The following TXNDC9 variants were observed in gnomAD, a reference collection of about 807,000 sequenced individuals.
TXNDC9 encodes the protein thioredoxin domain containing 9, also known as thioredoxin domain-containing protein 9.
TXNDC9 carries 7 observed loss-of-function variants against 23.0 expected under a neutral mutation model. That is an observed-to-expected ratio of 0.30 (90% CI 0.17 to 0.57). The LOEUF (loss-of-function observed/expected upper bound fraction) is 0.57, where lower values mean the gene tolerates loss of function less well. TXNDC9 is among the 20% of genes least tolerant of loss of function. The pLI, the probability that TXNDC9 is intolerant of heterozygous loss-of-function variation, is 0.90. For synonymous variants in TXNDC9, 72 were observed against 90.6 expected (o/e 0.79, Z 1.17); for missense variants, 198 against 252.6 (o/e 0.78, Z 1.47).
At chr2:99,333,838 C>T (rs1262538197) in intron 1 of TXNDC9, among the ~76,000 whole-genome samples, 1 of 152,098 alleles carries the variant, frequency 6.6e-6, no homozygotes, top group East Asian at 1.9e-4. Context: ...TCCTGTTCTC[C>T]CATTACCTAA....
chr2:99,306,979 G>A, the TXNDC9 span, among the ~76,000 whole-genome samples: 2 of 151,542 alleles, frequency 1.3e-5, no homozygotes, highest in African/African-American at 4.8e-5. Flanking sequence ...AACCAATAAT[G>A]AGTTTCTGAC....
intron 2 of TXNDC9, 170 bp downstream of exon 2, chr2:99,332,852 T>G: frequency 1.7e-6 from 1 of 581,740 alleles, no homozygotes; most frequent in East Asian, 2.9e-5. Context: ...TAATTTTGAA[T>G]GTCTTTAAAA....
rs1051011072 is a variant in TXNDC9, at chr2:99,336,300, C to G, written c.-94G>C. 3.9e-5 allele frequency: 38 copies of G among 985,388 alleles called. No homozygotes were observed. In the African/African-American group the frequency reaches 6.3e-4, roughly 16 times the overall value. The allele number at this position is 985,388 out of a possible 1,614,324, so 61.0% of individuals were successfully genotyped here. On this transcript the variant is annotated 5_prime_UTR_variant, in exon 1 of 5. Transcript: ENST00000264255. ...GCAGTTTCAAAAGACACGTCCACTC[C>G]GGCTTTTGCCTTGCAGTAGCTGCCG...
intron 2 of TXNDC9, among the ~76,000 whole-genome samples, chr2:99,331,002 G>T (rs2094224208): frequency 6.6e-6 from 1 of 152,128 alleles, no homozygotes; most frequent in Admixed American, 6.5e-5. Flanking sequence ...TAGCCAGTCT[G>T]CCTTAGTTGG....
In TXNDC9 at chr2:99,327,760, A is replaced by T. The variant is rs1015673983; in HGVS notation, c.190-107T>A. 3.4e-4 allele frequency: 181 copies of T among 538,916 alleles called. 1 individual carries two copies. Among genetic ancestry groups the T allele is most frequent in the Non-Finnish European group, 4.5e-4 (148 of 325,852 alleles). 33.4% of individuals were successfully genotyped at this position (538,916 alleles called of 1,614,324 possible). On this transcript the variant is annotated intron_variant, in intron 2 of 4. Transcript: ENST00000264255. ...ATCGTATTTTGTAATGAAGTCAATT[A>T]AAAAAAAAAGTTTTTTTTTTGTTTG... is the stretch of plus-strand genomic sequence containing the variant.
chr2:99,314,793 T>C (rs570244618), downstream of TXNDC9, among the ~76,000 whole-genome samples: 3 of 152,176 alleles, frequency 2.0e-5, no homozygotes, highest in South Asian at 2.1e-4. Context: ...TCATTGTGGT[T>C]TGGATTTACA....
intron 3 of TXNDC9, among the ~76,000 whole-genome samples, chr2:99,323,709 C>A (rs1035383901): frequency 1.3e-5 from 2 of 152,160 alleles, no homozygotes; most frequent in East Asian, 1.9e-4. Flanking sequence ...GCACTCCAGG[C>A]TAGGCGACAG....
intron 2 of TXNDC9, among the ~76,000 whole-genome samples, chr2:99,329,011 T>A (rs778486178): frequency 9.2e-5 from 14 of 152,006 alleles, no homozygotes; most frequent in Non-Finnish European, 1.5e-4. Flanking sequence ...ATAATGCTTA[T>A]GAGATAAACC....
chr2:99,316,111 CTTTTTCT>C (rs1269953308), downstream of TXNDC9, among the ~76,000 whole-genome samples: 90 of 67,420 alleles, frequency 1.3e-3, no homozygotes, highest in Middle Eastern at 0.044. Flanking sequence ...CTTTGCATTT[CTTTTTCT>C]TTTTTTTTTT....
chr2:99,335,902 G>A lies in TXNDC9; in HGVS notation c.-33+337C>T, dbSNP rs2094238430. Among the ~76,000 whole-genome samples, 3 of 152,214 alleles carry A rather than the reference G, an allele frequency of 2.0e-5. No homozygotes were observed. The South Asian group carries it at 6.2e-4, about 32-fold the overall frequency. On this transcript the variant is annotated intron_variant, in intron 1 of 4. Coordinates refer to ENST00000264255, the MANE Select transcript of TXNDC9 (RefSeq NM_005783.4). The stretch of plus-strand genomic sequence containing the variant: ...CTTTTTACAGCTCCGCTGGAAGGGT[G>A]GGACGGGACACAGCGCGTCCTCAAA...
chr2:99,316,170 AAAAC>A (rs2094188717), downstream of TXNDC9, among the ~76,000 whole-genome samples: 1 of 151,962 alleles, frequency 6.6e-6, no homozygotes, highest in South Asian at 2.1e-4. Context: ...TGAAAAAACA[AAAAC>A]AAAAACAAAA....
chr2:99,322,496 A>G, intron 3 of TXNDC9: 1 of 1,431,126 alleles, frequency 7.0e-7, no homozygotes. Flanking sequence ...AAGTTGTCCT[A>G]TCTCCTACAC....
downstream of TXNDC9, among the ~76,000 whole-genome samples, chr2:99,318,591 G>C (rs549095581): frequency 2.0e-5 from 3 of 152,162 alleles, no homozygotes; most frequent in Non-Finnish European, 4.4e-5. Context: ...AGTCTACAAG[G>C]GGGAAAGGGG....
chr2:99,328,760 G>A (rs1043691981), intron 2 of TXNDC9, among the ~76,000 whole-genome samples: 7 of 151,762 alleles, frequency 4.6e-5, no homozygotes, highest in Middle Eastern at 3.2e-3. Flanking sequence ...TGGATCACCT[G>A]AGGTCAGGAG....
At chr2:99,318,291 G>A (rs988137242), downstream of TXNDC9, among the ~76,000 whole-genome samples, 4 of 152,136 alleles carry the variant, frequency 2.6e-5, no homozygotes, top group African/African-American at 9.7e-5. Flanking sequence ...CGTATTTGGT[G>A]GCACCTTTAC....
At chr2:99,322,539 A>T in intron 3 of TXNDC9, 1 of 1,486,854 alleles carries the variant, frequency 6.7e-7, no homozygotes, top group Non-Finnish European at 8.9e-7. Context: ...CTGAAACTTG[A>T]CAAAACTCGG....
chr2:99,329,293 A>C (rs947510189), intron 2 of TXNDC9, among the ~76,000 whole-genome samples: 1 of 152,176 alleles, frequency 6.6e-6, no homozygotes, highest in African/African-American at 2.4e-5. Flanking sequence ...GAACACTTCC[A>C]GTTCCTTTTA....
At chr2:99,312,798 C>G in the TXNDC9 span, among the ~76,000 whole-genome samples, 1 of 152,284 alleles carries the variant, frequency 6.6e-6, no homozygotes, top group Admixed American at 6.5e-5. Flanking sequence ...TTCATATTTC[C>G]TTAATGATTG....
intron 2 of TXNDC9, 35 bp downstream of exon 2, chr2:99,332,987 T>C: frequency 6.5e-7 from 1 of 1,543,126 alleles, no homozygotes; most frequent in Non-Finnish European, 9.0e-7. Context: ...CGCATACTGT[T>C]ATAGCAATTT....
Sources: gnomAD v4.1 joint callset for allele counts (sites outside exome capture counted in the v4.1 genomes callset) on GRCh38, gnomAD v4.1.1 for gene constraint, MANE v1.5 for transcripts, NCBI Gene and HGNC (gene_info 2026-07-23, HGNC 2026-07-21) for gene names.